The following PRELID2 variants were observed in gnomAD, a reference collection of about 807,000 sequenced individuals.
PRELID2 encodes the protein PRELI domain containing 2, also known as PRELI domain-containing protein 2.
In PRELID2, 25 loss-of-function variants were observed where a neutral mutation model predicts 28.4. The observed-to-expected ratio is 0.88, with a 90% CI of 0.64 to 1.23. PRELID2 has a LOEUF of 1.23. PRELID2 is among the 50% of genes most tolerant of loss of function. PRELID2 has a pLI of 0.00. For missense variants in PRELID2, 201 were observed against 214.4 expected, an observed-to-expected ratio of 0.94 and a Z score of 0.39; for synonymous variants, 76 against 71.6, an observed-to-expected ratio of 1.06 and a Z score of -0.31.
intron 1 of PRELID2, among the ~76,000 whole-genome samples, chr5:145,655,005 G>A (rs901091069): frequency 2.0e-5 from 3 of 151,982 alleles, no homozygotes; most frequent in South Asian, 2.1e-4. Context: ...AAACCCCATC[G>A]TCTCAACCCA....
At chr5:145,742,157 A>G (rs1756835858) in intron 1 of PRELID2, among the ~76,000 whole-genome samples, 1 of 118,070 alleles carries the variant, frequency 8.5e-6, no homozygotes, top group African/African-American at 3.2e-5. Flanking sequence ...TTTATTTATT[A>G]TAAATTTATT....
At chr5:145,389,739 G>C in the PRELID2 span, among the ~76,000 whole-genome samples, 5 of 152,162 alleles carry the variant, frequency 3.3e-5, no homozygotes, top group Non-Finnish European at 7.3e-5. Flanking sequence ...TGAAAGTTAG[G>C]TTGCTCACTT....
At chr5:145,365,505 T>C in the PRELID2 span, among the ~76,000 whole-genome samples, 1 of 151,968 alleles carries the variant, frequency 6.6e-6, no homozygotes, top group African/African-American at 2.4e-5. Flanking sequence ...TGTGTGGGTA[T>C]TTAAAAAGAA....
intron 1 of PRELID2, among the ~76,000 whole-genome samples, chr5:145,593,214 A>G (rs1276300630): frequency 2.0e-5 from 3 of 152,194 alleles, no homozygotes; most frequent in Non-Finnish European, 4.4e-5. Flanking sequence ...TTGAAAAGGC[A>G]TAGAAACAAG....
At chr5:145,407,237 T>C in the PRELID2 span, among the ~76,000 whole-genome samples, 5 of 152,152 alleles carry the variant, frequency 3.3e-5, no homozygotes, top group Non-Finnish European at 7.3e-5. Flanking sequence ...GCCCTGTGCA[T>C]CAGCTCTCTG....
the PRELID2 span, chr5:145,230,181 G>T: frequency 7.6e-6 from 3 of 395,546 alleles, no homozygotes; most frequent in Non-Finnish European, 4.8e-6. Flanking sequence ...GGGCTGCCAG[G>T]CCCCAGCTTT....
chr5:145,298,665 C>T, the PRELID2 span, among the ~76,000 whole-genome samples: 5 of 152,120 alleles, frequency 3.3e-5, no homozygotes, highest in Non-Finnish European at 7.4e-5. Context: ...TGACAAATGC[C>T]GGTACGTGTC....
At chr5:145,385,392 G>C in the PRELID2 span, among the ~76,000 whole-genome samples, 1 of 152,128 alleles carries the variant, frequency 6.6e-6, no homozygotes, top group East Asian at 1.9e-4. Flanking sequence ...ATAGCATTTT[G>C]AAGTACAAAT....
At chr5:145,638,082 A>G (rs1754031568) in intron 1 of PRELID2, among the ~76,000 whole-genome samples, 1 of 152,212 alleles carries the variant, frequency 6.6e-6, no homozygotes, top group African/African-American at 2.4e-5. Context: ...AAGTGCTGGG[A>G]TAACAGGCCT....
the PRELID2 span, among the ~76,000 whole-genome samples, chr5:145,244,585 A>AC: frequency 6.6e-6 from 1 of 152,012 alleles, no homozygotes; most frequent in African/African-American, 2.4e-5. Context: ...CGGCACACAG[A>AC]CCCAGGGACT....
At chr5:145,729,794 G>A (rs1170918173) in intron 1 of PRELID2, among the ~76,000 whole-genome samples, 4 of 152,136 alleles carry the variant, frequency 2.6e-5, no homozygotes, top group Admixed American at 6.5e-5. Flanking sequence ...AATGAAGTCC[G>A]GTGGAGTCAA....
the PRELID2 span, among the ~76,000 whole-genome samples, chr5:145,308,461 C>T: frequency 7.9e-5 from 12 of 152,262 alleles, no homozygotes; most frequent in South Asian, 4.1e-4. Context: ...AATTCCTAGT[C>T]GAATTTCTTC....
chr5:145,463,430 G>C, the PRELID2 span, among the ~76,000 whole-genome samples: 2 of 150,038 alleles, frequency 1.3e-5, no homozygotes. Context: ...GATGGGAGAA[G>C]TTCTCCACTT....
the PRELID2 span, among the ~76,000 whole-genome samples, chr5:145,446,695 C>A: frequency 6.6e-6 from 1 of 151,908 alleles, no homozygotes; most frequent in Non-Finnish European, 1.5e-5. Flanking sequence ...AGCCACATAC[C>A]TGGAGCTTCC....
At chr5:145,378,958 T>C in the PRELID2 span, among the ~76,000 whole-genome samples, 1 of 152,150 alleles carries the variant, frequency 6.6e-6, no homozygotes, top group South Asian at 2.1e-4. Context: ...CTTTGGATTA[T>C]TTTTCTTTTT....
the PRELID2 span, among the ~76,000 whole-genome samples, chr5:145,292,279 A>G: frequency 2.2e-3 from 331 of 152,296 alleles, 2 homozygotes; most frequent in African/African-American, 7.6e-3. Flanking sequence ...ATCAGCTGTG[A>G]AAGAATTTTG....
chr5:145,238,832 C>T, the PRELID2 span, among the ~76,000 whole-genome samples: 1 of 152,084 alleles, frequency 6.6e-6, no homozygotes, highest in African/African-American at 2.4e-5. Flanking sequence ...CACAAAACTA[C>T]TTTCCTTCAA....
chr5:145,639,016 T>C (rs765518516), intron 1 of PRELID2, among the ~76,000 whole-genome samples: 4 of 152,238 alleles, frequency 2.6e-5, no homozygotes, highest in African/African-American at 9.6e-5. Flanking sequence ...TTAGGTATTT[T>C]GGACCTAAGA....
the PRELID2 span, among the ~76,000 whole-genome samples, chr5:145,371,060 C>A: frequency 6.6e-6 from 1 of 152,076 alleles, no homozygotes; most frequent in South Asian, 2.1e-4. Context: ...CATCTGCTAA[C>A]AGAGACAATT....
Sources: gnomAD v4.1 joint callset for allele counts (sites outside exome capture counted in the v4.1 genomes callset) on GRCh38, gnomAD v4.1.1 for gene constraint, MANE v1.5 for transcripts, NCBI Gene and HGNC (gene_info 2026-07-23, HGNC 2026-07-21) for gene names.